AGBL1: variants seen among roughly 807,000 people sequenced by gnomAD.
AGBL1 encodes cytosolic carboxypeptidase 4.
In AGBL1, 130 loss-of-function variants were observed where a neutral mutation model predicts 118.9. The ratio of observed to expected loss-of-function variants is 1.09; its 90% CI spans 0.95 to 1.26. AGBL1 has a LOEUF of 1.26. Ranked by LOEUF, AGBL1 falls within the 50% of genes most tolerant of loss-of-function variation. AGBL1 has a pLI of 0.00. For missense variants in AGBL1, 1,584 were observed against 1,298.1 expected (o/e 1.22, Z -3.38); for synonymous variants, 555 against 478.9 (o/e 1.16, Z -2.08).
intron 3 of AGBL1, among the ~76,000 whole-genome samples, chr15:86,147,879 G>T (rs967329926): frequency 6.6e-6 from 1 of 152,184 alleles, no homozygotes; most frequent in African/African-American, 2.4e-5. Context: ...CCTCATGTAG[G>T]CAGCTGCCCC....
At chr15:86,258,244 T>G (rs562529572) in intron 9 of AGBL1, among the ~76,000 whole-genome samples, 54 of 152,348 alleles carry the variant, frequency 3.5e-4, no homozygotes, top group African/African-American at 1.3e-3. Flanking sequence ...CAATGTCTCA[T>G]TATAAAGTCA....
intron 22 of AGBL1, among the ~76,000 whole-genome samples, chr15:86,823,777 C>G (rs1230596124): frequency 6.6e-6 from 1 of 151,906 alleles, no homozygotes; most frequent in Non-Finnish European, 1.5e-5. Context: ...GACCCTAAAG[C>G]AAATTTGGAA....
chr15:86,262,078 C>CTTTTTTTTTT lies in AGBL1; in HGVS notation c.970-693_970-684dup, dbSNP rs61365024. On this transcript the variant is annotated intron_variant, in intron 9 of 22. Coordinates refer to ENST00000614907, the MANE Select transcript of AGBL1 (RefSeq NM_001386094.1). ...CACTGCTAGGCCTATGCATAGCTGG[C>CTTTTTTTTTT]TTTTTTTTTTTTTTTTGCCATTTAG... 2.1e-3 allele frequency among the ~76,000 whole-genome samples: 112 copies of CTTTTTTTTTT among 52,760 alleles called. 34 individuals carry two copies. Among genetic ancestry groups the CTTTTTTTTTT allele is most frequent in the Middle Eastern group, 0.015 (1 of 68 alleles). 34.6% of individuals were successfully genotyped at this position (52,760 alleles called of 152,430 possible).
At chr15:86,997,112 T>C (rs1476480759) in intron 24 of AGBL1, among the ~76,000 whole-genome samples, 1 of 152,228 alleles carries the variant, frequency 6.6e-6, no homozygotes, top group East Asian at 1.9e-4. Flanking sequence ...TATGCATCTA[T>C]GAATAAACCT....
At chr15:86,685,656 C>T (rs1009233333) in intron 22 of AGBL1, among the ~76,000 whole-genome samples, 7 of 151,966 alleles carry the variant, frequency 4.6e-5, no homozygotes, top group Admixed American at 2.0e-4. Context: ...ATTATTATTA[C>T]TATTATGATT....
In AGBL1 at chr15:86,778,071, G is replaced by T. The variant is rs1333294560; in HGVS notation, c.3158+103635G>T. On this transcript the variant is annotated intron_variant, in intron 22 of 22. Transcript: ENST00000614907. ...AAAGAGAGAAATTTTAAAGCTGGGT[G>T]TCCAGGGGAGACATCACATGTCAGC... 2.0e-5 allele frequency among the ~76,000 whole-genome samples: 3 copies of T among 152,120 alleles called. No homozygotes were observed. In the East Asian group the frequency reaches 5.8e-4, roughly 29 times the overall value.
intron 5 of AGBL1, among the ~76,000 whole-genome samples, chr15:86,183,240 G>T (rs1237963005): frequency 6.6e-6 from 1 of 152,066 alleles, no homozygotes. Context: ...TTTGCAGTTT[G>T]AATATTTTTA....
At chr15:86,865,462 C>T (rs2079613336) in intron 22 of AGBL1, among the ~76,000 whole-genome samples, 1 of 152,112 alleles carries the variant, frequency 6.6e-6, no homozygotes, top group Admixed American at 6.5e-5. Flanking sequence ...CATAATTGGA[C>T]CGGAGGAGTG....
intron 23 of AGBL1, among the ~76,000 whole-genome samples, chr15:86,931,565 TTTGCTGCTGCTG>T (rs1377569529): frequency 7.5e-5 from 8 of 107,282 alleles, no homozygotes; most frequent in African/African-American, 3.1e-4. Context: ...TAGTGGTGCT[TTTGCTGCTGCTG>T]CTGCTGCTGC....
intron 17 of AGBL1, among the ~76,000 whole-genome samples, chr15:86,332,182 GATA>G (rs1443500161): frequency 6.6e-6 from 1 of 152,164 alleles, no homozygotes; most frequent in African/African-American, 2.4e-5. Context: ...ATTATGTGAT[GATA>G]AAGGGTTCAA....
At chr15:86,733,565 A>G (rs965565353) in intron 22 of AGBL1, among the ~76,000 whole-genome samples, 1 of 152,184 alleles carries the variant, frequency 6.6e-6, no homozygotes, top group African/African-American at 2.4e-5. Flanking sequence ...TAGTAACTAT[A>G]ATATAAGCAT....
intron 22 of AGBL1, among the ~76,000 whole-genome samples, chr15:86,720,597 A>G (rs1424627756): frequency 6.6e-6 from 1 of 152,156 alleles, no homozygotes; most frequent in African/African-American, 2.4e-5. Context: ...GGTCAGGACT[A>G]TAGTGGGCAA....
chr15:86,330,327 C>T (rs1011211957), intron 17 of AGBL1, among the ~76,000 whole-genome samples: 13 of 152,256 alleles, frequency 8.5e-5, no homozygotes, highest in South Asian at 4.1e-4. Flanking sequence ...ATAAAACCTG[C>T]CGACAGATGT....
chr15:87,031,161 T>G (rs200502103), downstream of AGBL1, among the ~76,000 whole-genome samples: 1 of 152,020 alleles, frequency 6.6e-6, no homozygotes, highest in East Asian at 1.9e-4. Flanking sequence ...GTCAGCTTTG[T>G]GTATGGAAGA....
intron 17 of AGBL1, among the ~76,000 whole-genome samples, chr15:86,380,203 G>C (rs2081092867): frequency 6.6e-6 from 1 of 151,436 alleles, no homozygotes; most frequent in Non-Finnish European, 1.5e-5. Flanking sequence ...TGGACCCAGA[G>C]TTCCCTTCCT....
chr15:87,010,761 G>T (rs560497053), intron 24 of AGBL1, among the ~76,000 whole-genome samples: 1 of 152,126 alleles, frequency 6.6e-6, no homozygotes, highest in African/African-American at 2.4e-5. Context: ...AGCCTATCAT[G>T]GGACTCCTCA....
intron 22 of AGBL1, among the ~76,000 whole-genome samples, chr15:86,726,490 A>G (rs748548957): frequency 1.1e-4 from 17 of 152,226 alleles, no homozygotes; most frequent in African/African-American, 3.4e-4. Flanking sequence ...ATGAAGGTTA[A>G]CTTAGGATTG....
At chr15:86,571,491 G>A (rs754065748) in intron 21 of AGBL1, among the ~76,000 whole-genome samples, 1 of 152,164 alleles carries the variant, frequency 6.6e-6, no homozygotes, top group Non-Finnish European at 1.5e-5. Context: ...GCAGCTCTTA[G>A]TAGAGAGGGT....
At position 86,210,648 on chromosome 15, in the gene AGBL1, A is replaced by G. The variant is rs150484488; in HGVS notation, c.489-14266A>G. Among the ~76,000 whole-genome samples the G allele has an allele frequency of 8.9e-3, 1,354 of 152,244 alleles. 24 individuals are homozygous for G. Among genetic ancestry groups the G allele is most frequent in the African/African-American group, 0.03 (1,248 of 41,536 alleles). On this transcript the variant is annotated intron_variant, in intron 5 of 22. Transcript: ENST00000614907. ...GCTTGTGTCACGTAGTTCTTGTGCCATGGTTTTCAGCTCCATCAGGTCATT... is the reference window on the plus strand; with the variant it reads ...GCTTGTGTCACGTAGTTCTTGTGCCGTGGTTTTCAGCTCCATCAGGTCATT...
Sources: allele counts gnomAD v4.1 joint callset (sites outside exome capture counted in the v4.1 genomes callset), GRCh38; gene constraint gnomAD v4.1.1; transcripts MANE v1.5; gene names NCBI Gene and HGNC (gene_info 2026-07-23, HGNC 2026-07-21).